Variants in DMPK observed in about 807,000 individuals in gnomAD.
The protein encoded by DMPK is DM1 protein kinase.
Under a neutral mutation model 70.3 loss-of-function variants are expected in DMPK, and 32 were observed. That is an observed-to-expected ratio of 0.46 (90% CI 0.34 to 0.61). DMPK has a LOEUF of 0.61. Among genes scored for constraint, DMPK ranks in the 20% least tolerant of loss-of-function variants. The probability of loss-of-function intolerance (pLI) is 0.01; values close to 1 mark genes in which losing one functional copy is unlikely to be tolerated. For synonymous variants in DMPK, 469 were observed against 390.9 expected (o/e 1.20, Z -2.36); for missense variants, 899 against 886.0 (o/e 1.01, Z -0.19).
rs767991260 is a variant in DMPK at position 45,777,607 on chromosome 19, G to T, written c.883-17C>A. The stretch of plus-strand genomic sequence containing the variant: ...GAGGTGCTCCTGCTCAGAGGGAGAG[G>T]AGGCGATAGCCTGGGAGCGCCTACC... On this transcript the variant is annotated splice_polypyrimidine_tract_variant and intron_variant, in intron 7 of 14. Coordinates refer to ENST00000291270, the MANE Select transcript of DMPK (RefSeq NM_004409.5). This position sits in a 1 kb window ranked among gnomAD's most constrained non-coding sequence, Gnocchi z 6.7. 2 of 1,612,956 alleles carry T rather than the reference G, an allele frequency of 1.2e-6. No homozygotes were observed. The highest frequency in any genetic ancestry group is 1.7e-6 in the Non-Finnish European group (2 of 1,179,544).
chr19:45,776,131 C>G (rs1969758233), intron 8 of DMPK, among the ~76,000 whole-genome samples: 1 of 87,964 alleles, frequency 1.1e-5, no homozygotes, highest in African/African-American at 4.2e-5. Context: ...CGCGGTCCAG[C>G]CTATTTTTTT....
At chr19:45,781,146 C>T (rs980480051) in intron 1 of DMPK, among the ~76,000 whole-genome samples, 2 of 152,090 alleles carry the variant, frequency 1.3e-5, no homozygotes, top group African/African-American at 4.8e-5. Context: ...GAGATGGACA[C>T]AAGAGGAAGC....
chr19:45,770,670 G>T (rs374207072), intron 14 of DMPK, 30 bp from the exon 15 acceptor site: 17 of 1,546,666 alleles, frequency 1.1e-5, no homozygotes, highest in Non-Finnish European at 1.4e-5. Flanking sequence ...TCAACACCCG[G>T]CATGGGCCTC....
intron 1 of DMPK, chr19:45,780,541 A>C: frequency 9.6e-7 from 1 of 1,046,556 alleles, no homozygotes; most frequent in Non-Finnish European, 1.2e-6. Flanking sequence ...TCAAGGTCCT[A>C]TGACTAGGAA....
In DMPK at chr19:45,777,040, A is replaced by G; in HGVS notation, c.1146+287T>C. On this transcript the variant is annotated intron_variant, in intron 8 of 14. Coordinates refer to ENST00000291270, the MANE Select transcript of DMPK (RefSeq NM_004409.5). The surrounding 1 kb of genome is among the most constrained non-coding windows in gnomAD (Gnocchi z 6.7). ...GCTCAGATAGCTCCCCACTCCAGAAAGCCCTCCAGGACCTTCCTTGCTGAG... is the reference window on the plus strand; with the variant it reads ...GCTCAGATAGCTCCCCACTCCAGAAGGCCCTCCAGGACCTTCCTTGCTGAG... 1 of 376,902 alleles carries G rather than the reference A, an allele frequency of 2.7e-6. No homozygotes were observed. Among genetic ancestry groups the G allele is most frequent in the Non-Finnish European group, 4.7e-6 (1 of 210,678 alleles). 23.3% of individuals were successfully genotyped at this position (376,902 alleles called of 1,614,324 possible).
chr19:45,775,738 G>C (rs571172627), intron 8 of DMPK, among the ~76,000 whole-genome samples: 4 of 108,312 alleles, frequency 3.7e-5, no homozygotes, highest in African/African-American at 9.4e-5. Flanking sequence ...GGCTGGTCTT[G>C]AACTCCTGAC....
chr19:45,778,236 G>GAGA lies in DMPK; in HGVS notation c.582-19_582-17dup, dbSNP rs1969891476. On this transcript the variant is annotated splice_polypyrimidine_tract_variant and intron_variant, in intron 5 of 14. Coordinates refer to ENST00000291270, the MANE Select transcript of DMPK (RefSeq NM_004409.5). Reference sequence around the variant, plus strand: ...TTTGATGTCCCTGCACGGAGGAAAAGAGAAGGGTGGGATAAATGAACCTCC... The same window carrying GAGA: ...TTTGATGTCCCTGCACGGAGGAAAAGAGAAGAAGGGTGGGATAAATGAACCTCC... 6.2e-7 allele frequency: 1 copy of GAGA among 1,606,570 alleles called. No individual in the cohort carries two copies. Among genetic ancestry groups the GAGA allele is most frequent in the Non-Finnish European group, 8.5e-7 (1 of 1,175,306 alleles).
Position 45,777,187 on chromosome 19 carries a change from C to T in DMPK, c.1146+140G>A. ...TAAGTCTAGGTCACTGCTGGGTCCT[C>T]AGTAGTAGATGGGCACAGAGCAGGT... On this transcript the variant is annotated intron_variant, in intron 8 of 14. Coordinates refer to ENST00000291270, the MANE Select transcript of DMPK (RefSeq NM_004409.5). This position sits in a 1 kb window ranked among gnomAD's most constrained non-coding sequence, Gnocchi z 6.7. 8.1e-7 allele frequency: 1 copy of T among 1,239,364 alleles called. No individual in the cohort carries two copies. Among genetic ancestry groups the T allele is most frequent in the Non-Finnish European group, 1.1e-6 (1 of 922,350 alleles). 76.8% of individuals were successfully genotyped at this position (1,239,364 alleles called of 1,614,324 possible).
At chr19:45,779,605 C>T in intron 2 of DMPK, 83 bp from the exon 3 acceptor site, 1 of 1,580,096 alleles carries the variant, frequency 6.3e-7, no homozygotes, top group Non-Finnish European at 8.6e-7. Flanking sequence ...CGCTTCTGCA[C>T]CCAGCCGTGG....
At position 45,770,573 on chromosome 19, in the gene DMPK, G is replaced by A; in HGVS notation, c.1805C>T (p.Ala602Val). 1.3e-6 allele frequency: 2 copies of A among 1,551,826 alleles called. No homozygotes were observed. The highest frequency in any genetic ancestry group is 2.0e-5 in the Admixed American group (1 of 51,100). The stretch of plus-strand genomic sequence containing the variant: ...CACCAACCCAATGCAGCCCAGGGCG[G>A]CGGCACGAGACAGAACAACGGCGAA... ...LLFAVVLSRA[A>V]ALGCIGLVAH... The change falls in exon 15 of 15, where the codon GCC becomes GTC. Residue 602 changes from alanine to valine, a missense_variant. Ala to Val is a moderately conservative substitution (Grantham distance 64). This residue lies in a region of DMPK where 555 missense variants were observed against 483.8 expected (regional missense o/e 1.15). Transcript: ENST00000291270.
chr19:45,778,600 T>C lies in DMPK; in HGVS notation c.474A>G (p.Thr158=), dbSNP rs1425628459. 1 of 1,613,978 alleles carries C rather than the reference T, an allele frequency of 6.2e-7. No homozygotes were observed. Among genetic ancestry groups the C allele is most frequent in the Admixed American group, 1.7e-5 (1 of 60,026 alleles). Residue 158 remains threonine, a synonymous_variant, in exon 5 of 15, where the codon ACA becomes ACG. Coordinates refer to ENST00000291270, the MANE Select transcript of DMPK (RefSeq NM_004409.5). ...MEYYVGGDLL[T]LLSKFGERIP... is the part of the protein sequence containing the mutation. ...TCCGCTCCCCAAACTTGCTCAGCAG[T>C]GTCAGCAGGTCCCCGCCCACGTAAT...
chr19:45,771,424 C>A (rs781600764), intron 12 of DMPK, 28 bp from the exon 13 acceptor site: 8 of 1,611,178 alleles, frequency 5.0e-6, no homozygotes, highest in Non-Finnish European at 6.8e-6. Context: ...AGGCATAGGG[C>A]GCGTGGAGGG....
At position 45,771,370 on chromosome 19, in the gene DMPK, C is replaced by T. The variant is rs1195458129; in HGVS notation, c.1627G>A (p.Ala543Thr). 2.5e-6 allele frequency: 4 copies of T among 1,602,750 alleles called. No homozygotes were observed. In the African/African-American group the frequency reaches 4.1e-5, roughly 16 times the overall value. The change falls in exon 13 of 15, where the codon GCC becomes ACC. Residue 543 changes from alanine (A) to threonine (T), a missense_variant. By Grantham distance (58) the Ala-to-Thr change is moderately conservative (BLOSUM62 0). This residue lies in a region of DMPK where 555 missense variants were observed against 483.8 expected (regional missense o/e 1.15). Transcript: ENST00000291270. Reference sequence around the variant, plus strand: ...CTTACATGGGAAGGTGGATCCGTGGCCCGGGGACTGGGGACCCCCGTGACA... The same window carrying T: ...CTTACATGGGAAGGTGGATCCGTGGTCCGGGGACTGGGGACCCCCGTGACA... ...TAVTGVPSPR[A>T]TDPPSHLDGP...
Position 45,771,881 on chromosome 19 carries a change from G to T in DMPK, c.1392C>A (p.Ala464=), listed in dbSNP as rs147014815. 326 of 1,593,752 alleles carry T rather than the reference G, an allele frequency of 2.0e-4. No homozygotes were observed. The highest frequency in any genetic ancestry group is 1.2e-3 in the Middle Eastern group (7 of 6,036). ...CCTGGAGCTCCCGCAGCGTCACCTC[G>T]GCCTCAGCCTCTGCCGCAGGGACAG... ...PAAVPAAEAE[A]EVTLRELQEA... Residue 464 remains alanine, a synonymous_variant, in exon 11 of 15, where the codon GCC becomes GCA. Coordinates refer to ENST00000291270, the MANE Select transcript of DMPK (RefSeq NM_004409.5).
rs752900688 is a variant in DMPK at position 45,771,052 on chromosome 19, G to C, written c.1656C>G (p.Gly552=). Residue 552 remains glycine (G), a synonymous_variant, in exon 14 of 15, where the codon GGC becomes GGG. Coordinates refer to ENST00000291270, the MANE Select transcript of DMPK (RefSeq NM_004409.5). ...ACTGGCCCACAGCCACGGCCGGGGG[G>C]CCATCTAGCTGGAGAGAGAAGGGAC... is the stretch of plus-strand genomic sequence containing the variant. The part of the protein sequence containing the change: ...RATDPPSHLD[G]PPAVAVGQCP... 2 of 1,520,060 alleles carry C rather than the reference G, an allele frequency of 1.3e-6. No homozygotes were observed. Among genetic ancestry groups the C allele is most frequent in the Non-Finnish European group, 1.8e-6 (2 of 1,135,288 alleles). The allele number at this position is 1,520,060 out of a possible 1,614,324, so 94.2% of individuals were successfully genotyped here.
chr19:45,775,116 C>G, intron 8 of DMPK, 82 bp from the exon 9 acceptor site: 1 of 1,089,700 alleles, frequency 9.2e-7, no homozygotes, highest in Non-Finnish European at 1.4e-6. Flanking sequence ...CATGTTCCCC[C>G]CAAACCAGCC....
At chr19:45,776,394 C>T (rs1002340436) in intron 8 of DMPK, among the ~76,000 whole-genome samples, 1 of 149,280 alleles carries the variant, frequency 6.7e-6, no homozygotes, top group Non-Finnish European at 1.5e-5. Context: ...CCACCCGCCT[C>T]GGCCTCCCAA....
intron 1 of DMPK, chr19:45,780,552 T>G: frequency 2.9e-6 from 3 of 1,035,258 alleles, no homozygotes; most frequent in Non-Finnish European, 3.5e-6. Context: ...TGACTAGGAA[T>G]GTTAAACTGG....
At chr19:45,780,727 A>G in intron 1 of DMPK, 1 of 622,128 alleles carries the variant, frequency 1.6e-6, no homozygotes, top group South Asian at 6.6e-5. Flanking sequence ...TGGAGGAAAG[A>G]GAGGGGTTCC....
Sources: gnomAD v4.1 joint callset for allele counts (sites outside exome capture counted in the v4.1 genomes callset) on GRCh38, gnomAD v4.1.1 for gene constraint, gnomAD v4.1.1 regional missense constraint, Gnocchi (gnomAD v3.1) non-coding constraint, MANE v1.5 for transcripts, NCBI Gene and HGNC (gene_info 2026-07-23, HGNC 2026-07-21) for gene names.